DST: variants seen among roughly 807,000 people sequenced by gnomAD.
DST encodes bullous pemphigoid antigen.
Under a neutral mutation model 875.2 loss-of-function variants are expected in DST, and 253 were observed. The ratio of observed to expected loss-of-function variants is 0.29; its 90% CI spans 0.26 to 0.32. DST has a LOEUF of 0.32. Among genes scored for constraint, DST ranks in the 10% least tolerant of loss-of-function variants. DST has a pLI of 1.00. For missense variants in DST, 8,287 were observed against 9,111.6 expected (o/e 0.91, Z 3.68); for synonymous variants, 3,124 against 3,197.1 (o/e 0.98, Z 0.77).
chr6:56,579,005 A>G, intron 49 of DST, 68 bp from the exon 50 acceptor site: 1 of 1,320,460 alleles, frequency 7.6e-7, no homozygotes, highest in Middle Eastern at 1.9e-4. Flanking sequence ...TGTGGAAAAA[A>G]TGATTTCTAA....
Position 56,604,451 on chromosome 6 carries a change from T to C in DST, c.10177A>G (p.Ile3393Val), listed in dbSNP as rs188636867. Residue 3393 changes from isoleucine to valine, a missense_variant, in exon 40 of 104, where the codon ATT (isoleucine) becomes GTT (valine). By Grantham distance (29) the Ile-to-Val change is conservative. Transcript: ENST00000680361. ...KILIQNLIKRITTSQLVNEAS... is the reference protein window; with the variant it reads ...KILIQNLIKRVTTSQLVNEAS... The stretch of plus-strand genomic sequence containing the variant: ...TCATTTACCAACTGTGATGTGGTAA[T>C]CCTTTTAATTAAATTTTGAATTAAA... The C allele has an allele frequency of 7.5e-6, 12 of 1,609,558 alleles. No individual in the cohort carries two copies. In the Admixed American group the frequency reaches 1.5e-4, roughly 20 times the overall value.
chr6:56,783,863 C>A (rs888931436), intron 4 of DST, among the ~76,000 whole-genome samples: 1 of 152,144 alleles, frequency 6.6e-6, no homozygotes, highest in African/African-American at 2.4e-5. Flanking sequence ...CGGCTGGTAC[C>A]TGTTGTGCCT....
At chr6:56,504,504 G>C (rs1024254302) in intron 77 of DST, among the ~76,000 whole-genome samples, 3 of 151,998 alleles carry the variant, frequency 2.0e-5, no homozygotes, top group Non-Finnish European at 4.4e-5. Flanking sequence ...TTACTGTTTA[G>C]AACTTAGGCA....
chr6:56,617,534 G>GA, intron 36 of DST: 1 of 1,005,286 alleles, frequency 9.9e-7, no homozygotes, highest in Non-Finnish European at 1.5e-6. Context: ...GTGAAAAGAA[G>GA]AAAAATTTCA....
intron 49 of DST, among the ~76,000 whole-genome samples, chr6:56,591,081 T>C (rs1007172366): frequency 2.6e-5 from 4 of 152,252 alleles, no homozygotes; most frequent in African/African-American, 9.6e-5. Context: ...CTACTATTAT[T>C]AACCTGTGAA....
intron 5 of DST, among the ~76,000 whole-genome samples, chr6:56,704,580 A>C (rs1272607728): frequency 6.6e-6 from 1 of 152,246 alleles, no homozygotes; most frequent in African/African-American, 2.4e-5. Context: ...CAAGAAGACA[A>C]TTCAAATTAT....
At chr6:56,572,379 AATGAG>A in intron 52 of DST, 113 bp from the exon 53 acceptor site, 1 of 640,456 alleles carries the variant, frequency 1.6e-6, no homozygotes, top group East Asian at 3.1e-5. Context: ...TTCACATAAG[AATGAG>A]TCTGCCTATG....
intron 4 of DST, among the ~76,000 whole-genome samples, chr6:56,828,985 C>G: frequency 6.6e-6 from 1 of 152,148 alleles, no homozygotes; most frequent in Non-Finnish European, 1.5e-5. Context: ...AGTCCCTAGT[C>G]TTGAAGCTGT....
At chr6:56,888,315 C>T (rs1444020284) in intron 3 of DST, among the ~76,000 whole-genome samples, 1 of 152,064 alleles carries the variant, frequency 6.6e-6, no homozygotes, top group African/African-American at 2.4e-5. Context: ...CAATATGTAG[C>T]AAAGACTCAG....
At position 56,609,008 on chromosome 6, in the gene DST, C is replaced by G. The variant is rs755602505; in HGVS notation, c.5620G>C (p.Glu1874Gln). The G allele has an allele frequency of 6.2e-7, 1 of 1,613,872 alleles. No homozygotes were observed. The highest frequency in any genetic ancestry group is 1.1e-5 in the South Asian group (1 of 91,080). Residue 1874 changes from glutamate to glutamine, a missense_variant, in exon 40 of 104, where the codon GAG becomes CAG. Physicochemically the swap from Glu to Gln is conservative, Grantham distance 29. Coordinates refer to ENST00000680361, the MANE Select transcript of DST (RefSeq NM_001374736.1). ...ITESMAIKVLEILLSTGSLVI... is the reference protein window; with the variant it reads ...ITESMAIKVLQILLSTGSLVI... ...AGAGAGCCTGTAGAAAGCAGTATCT[C>G]AAGAACTTTGATGGCCATGGATTCT...
chr6:56,569,650 A>G (rs1420822473), intron 54 of DST, among the ~76,000 whole-genome samples: 4 of 152,178 alleles, frequency 2.6e-5, no homozygotes, highest in African/African-American at 7.2e-5. Flanking sequence ...CCTTTTTTTA[A>G]AAAAGCAAAT....
At chr6:56,916,753 A>ATCTCTCTCTCTC (rs70989741) in intron 2 of DST, among the ~76,000 whole-genome samples, 15 of 95,410 alleles carry the variant, frequency 1.6e-4, no homozygotes, top group African/African-American at 4.7e-4. Context: ...CTCTCTCTCT[A>ATCTCTCTCTCTC]TCTCTCTCTC....
In DST at chr6:56,593,840, G is replaced by T. The variant is rs375624981; in HGVS notation, c.12549C>A (p.Asp4183Glu). Residue 4183 changes from aspartate to glutamate, a missense_variant, in exon 48 of 104, where the codon GAC becomes GAA. By Grantham distance (45) the Asp-to-Glu change is conservative. This residue lies in a region of DST where 1,513 missense variants were observed against 1,677.8 expected (regional missense o/e 0.90). Coordinates refer to ENST00000680361, the MANE Select transcript of DST (RefSeq NM_001374736.1). The part of the protein sequence containing the change: ...KLKRQKSFSE[D>E]VISHKGDLRY... Reference sequence around the variant, plus strand: ...TCAAGTCACCTTTGTGAGAAATAACGTCTTCTGAGAAACTCTTCTGCCTCT... The same window carrying T: ...TCAAGTCACCTTTGTGAGAAATAACTTCTTCTGAGAAACTCTTCTGCCTCT... 3 of 1,613,724 alleles carry T rather than the reference G, an allele frequency of 1.9e-6. No homozygotes were observed. The highest frequency in any genetic ancestry group is 2.5e-6 in the Non-Finnish European group (3 of 1,179,852).
intron 63 of DST, among the ~76,000 whole-genome samples, chr6:56,532,919 A>T (rs994716485): frequency 1.3e-5 from 2 of 152,186 alleles, no homozygotes; most frequent in Non-Finnish European, 2.9e-5. Flanking sequence ...GGTTCCTATA[A>T]ATCATTACTG....
At chr6:56,806,434 G>C (rs1313443546) in intron 4 of DST, among the ~76,000 whole-genome samples, 2 of 152,150 alleles carry the variant, frequency 1.3e-5, no homozygotes, top group Non-Finnish European at 2.9e-5. Context: ...ATCAAAGGAA[G>C]ACTGGACTAA....
intron 85 of DST, among the ~76,000 whole-genome samples, chr6:56,491,980 T>C (rs6941017): frequency 2.0e-5 from 3 of 152,224 alleles, no homozygotes; most frequent in African/African-American, 7.2e-5. Context: ...ATAGCCTGTC[T>C]ATGAAGTCAA....
chr6:56,629,663 T>C (rs898931547), intron 31 of DST, among the ~76,000 whole-genome samples: 1 of 152,198 alleles, frequency 6.6e-6, no homozygotes, highest in Non-Finnish European at 1.5e-5. Flanking sequence ...ACGTTCAGCC[T>C]AATAAAATTT....
Position 56,501,709 on chromosome 6 carries a change from T to C in DST, c.19567-16A>G. The C allele has an allele frequency of 6.5e-7, 1 of 1,540,472 alleles. No individual in the cohort carries two copies. ...ACTTAAATTGCTATTTTAAAAGAGA[T>C]ATACAAAGAAAATATTGTTAAAAAT... On this transcript the variant is annotated splice_polypyrimidine_tract_variant and intron_variant, in intron 78 of 103. Transcript: ENST00000680361.
intron 9 of DST, among the ~76,000 whole-genome samples, chr6:56,671,438 T>C (rs1342735905): frequency 1.3e-5 from 2 of 152,234 alleles, no homozygotes; most frequent in Non-Finnish European, 1.5e-5. Context: ...CCAGAAGTTC[T>C]AATTTTCTCA....
Sources: gnomAD v4.1 joint callset for allele counts (sites outside exome capture counted in the v4.1 genomes callset) on GRCh38, gnomAD v4.1.1 for gene constraint, gnomAD v4.1.1 regional missense constraint, MANE v1.5 for transcripts, NCBI Gene and HGNC (gene_info 2026-07-23, HGNC 2026-07-21) for gene names.